ABCA13: variants seen among roughly 807,000 people sequenced by gnomAD.
ABCA13 encodes the protein ATP binding cassette subfamily A member 13.
A neutral mutation model predicts 478.7 loss-of-function variants in ABCA13; 476 were observed. The ratio of observed to expected loss-of-function variants is 0.99; its 90% CI spans 0.92 to 1.07. The LOEUF (loss-of-function observed/expected upper bound fraction) is 1.07. Ranked by LOEUF, ABCA13 falls within the 50% of genes least tolerant of loss-of-function variation. The probability of loss-of-function intolerance (pLI) is 0.00; values close to 1 mark genes in which losing one functional copy is unlikely to be tolerated. For synonymous variants in ABCA13, 2,252 were observed against 2,158.9 expected (o/e 1.04, Z -1.20); for missense variants, 6,060 against 5,910.6 (o/e 1.03, Z -0.83).
Position 48,279,066 on chromosome 7 carries a change from T to C in ABCA13, c.7872T>C (p.Tyr2624=). ...IFSMSPSILS[Y]MNQSKDFSDI... is the part of the protein sequence containing the mutation. The stretch of plus-strand genomic sequence containing the variant: ...GTATGTCACCTAGCATACTCTCATA[T>C]ATGAACCAATCTAAGGACTTTTCTG... The change falls in exon 18 of 62, where the codon TAT becomes TAC. Residue 2624 remains tyrosine (Y), a synonymous_variant. Coordinates refer to ENST00000435803, the MANE Select transcript of ABCA13 (RefSeq NM_152701.5). 6.2e-7 allele frequency: 1 copy of C among 1,613,000 alleles called. No individual in the cohort carries two copies. The highest frequency in any genetic ancestry group is 8.5e-7 in the Non-Finnish European group (1 of 1,179,800).
chr7:48,584,162 T>C (rs1008896183), intron 56 of ABCA13, among the ~76,000 whole-genome samples: 1 of 152,212 alleles, frequency 6.6e-6, no homozygotes, highest in African/African-American at 2.4e-5. Context: ...TGGCTAATCT[T>C]TGAATAACAT....
At chr7:48,330,485 G>GTCCA (rs374882823) in intron 27 of ABCA13, among the ~76,000 whole-genome samples, 61,199 of 134,538 alleles carry the variant, frequency 0.45, 12,942 homozygotes, top group South Asian at 0.58. Context: ...CCATCCATCC[G>GTCCA]TCCATCCATC....
intron 55 of ABCA13, among the ~76,000 whole-genome samples, chr7:48,532,944 C>T (rs1833337299): frequency 6.6e-6 from 1 of 151,958 alleles, no homozygotes; most frequent in South Asian, 2.1e-4. Context: ...TTTGTCATTT[C>T]AGATAACCAG....
At chr7:48,346,649 A>T (rs532852657) in intron 29 of ABCA13, among the ~76,000 whole-genome samples, 151 of 152,340 alleles carry the variant, frequency 9.9e-4, no homozygotes, top group Non-Finnish European at 1.9e-3. Flanking sequence ...TTACATGATA[A>T]TAGTTAGCAC....
chr7:48,608,515 C>T (rs1476562196), intron 58 of ABCA13, among the ~76,000 whole-genome samples: 1 of 152,216 alleles, frequency 6.6e-6, no homozygotes, highest in Non-Finnish European at 1.5e-5. Flanking sequence ...TAATTCCAGT[C>T]TAGTAGAGGC....
intron 23 of ABCA13, among the ~76,000 whole-genome samples, chr7:48,299,713 T>A (rs1281006481): frequency 6.6e-6 from 1 of 152,208 alleles, no homozygotes; most frequent in Non-Finnish European, 1.5e-5. Context: ...TATGATACTT[T>A]TTGGGTTTGG....
At chr7:48,635,148 C>A (rs900678957) in intron 59 of ABCA13, among the ~76,000 whole-genome samples, 1 of 151,352 alleles carries the variant, frequency 6.6e-6, no homozygotes, top group African/African-American at 2.4e-5. Flanking sequence ...TATCAATCTC[C>A]CAATTGCCTT....
At chr7:48,297,359 T>C (rs1799524232) in intron 22 of ABCA13, 48 bp downstream of exon 22, 2 of 1,466,898 alleles carry the variant, frequency 1.4e-6, no homozygotes, top group Non-Finnish European at 1.9e-6. Context: ...TTAAATTTAG[T>C]TTCTCATGCA....
At position 48,244,567 on chromosome 7, in the gene ABCA13, T is replaced by C. The variant is rs1791376172; in HGVS notation, c.1263-9T>C. ...TCATTTTATTTCATTTATTTATTTT[T>C]GCCCTCAGATTACAGCATCTGTGGA... On this transcript the variant is annotated splice_polypyrimidine_tract_variant and intron_variant, in intron 10 of 61. Coordinates refer to ENST00000435803, the MANE Select transcript of ABCA13 (RefSeq NM_152701.5). 6.2e-7 allele frequency: 1 copy of C among 1,610,906 alleles called. No individual in the cohort carries two copies. Among genetic ancestry groups the C allele is most frequent in the Non-Finnish European group, 8.5e-7 (1 of 1,178,616 alleles).
At position 48,318,492 on chromosome 7, in the gene ABCA13, C is replaced by T. The variant is rs115918240; in HGVS notation, c.9999+1196C>T. Among the ~76,000 whole-genome samples, 618 of 150,708 alleles carry T rather than the reference C, an allele frequency of 4.1e-3. 3 individuals are homozygous for T. The highest frequency in any genetic ancestry group is 0.013 in the African/African-American group (538 of 40,624). ...CTGAGATTACAGGTGTGTGCCCCCA[C>T]GCCCTGCTAACTTTTTAGTTTTTTT... On this transcript the variant is annotated intron_variant, in intron 27 of 61. Transcript: ENST00000435803.
intron 56 of ABCA13, among the ~76,000 whole-genome samples, chr7:48,584,135 C>T (rs911686341): frequency 5.9e-5 from 9 of 152,142 alleles, no homozygotes; most frequent in African/African-American, 2.2e-4. Context: ...GTCAGTTTAT[C>T]AGTTTTCTTT....
At chr7:48,258,007 T>G (rs1469729683) in intron 15 of ABCA13, among the ~76,000 whole-genome samples, 1 of 152,094 alleles carries the variant, frequency 6.6e-6, no homozygotes, top group African/African-American at 2.4e-5. Context: ...CACTGCACCC[T>G]CGACCTCCCA....
At position 48,480,902 on chromosome 7, in the gene ABCA13, C is replaced by T. The variant is rs1359899762; in HGVS notation, c.12976-134C>T. The T allele has an allele frequency of 1.1e-5, 7 of 634,090 alleles. No individual in the cohort carries two copies. In the East Asian group the frequency reaches 1.7e-4, roughly 15 times the overall value. The allele number at this position is 634,090 out of a possible 1,614,324, so 39.3% of individuals were successfully genotyped here. On this transcript the variant is annotated intron_variant, in intron 45 of 61. Transcript: ENST00000435803. ...CTGAAAGAGATTTTAGAAATTAGAA[C>T]ATATAAAGGGCTGCAGATAATTTAT...
chr7:48,295,637 T>A, intron 20 of ABCA13, 63 bp from the exon 21 acceptor site: 2 of 1,593,744 alleles, frequency 1.3e-6, no homozygotes, highest in Non-Finnish European at 1.7e-6. Context: ...CTAATGAGAA[T>A]AAATCAAAAT....
chr7:48,295,973 T>A, intron 21 of ABCA13, 110 bp downstream of exon 21: 1 of 1,264,506 alleles, frequency 7.9e-7, no homozygotes, highest in Non-Finnish European at 1.0e-6. Context: ...AATATACTCT[T>A]AATGTGCATA....
chr7:48,626,896 C>A, intron 59 of ABCA13: 10 of 985,334 alleles, frequency 1.0e-5, no homozygotes, highest in Non-Finnish European at 1.2e-5. Flanking sequence ...TATTCATGTT[C>A]TCTTTGCTAT....
intron 45 of ABCA13, among the ~76,000 whole-genome samples, chr7:48,474,233 G>C (rs766647228): frequency 6.6e-6 from 1 of 152,078 alleles, no homozygotes; most frequent in Non-Finnish European, 1.5e-5. Flanking sequence ...ACATCACAGA[G>C]TAATTACCCC....
chr7:48,236,181 G>A (rs1789924556), intron 8 of ABCA13, among the ~76,000 whole-genome samples: 1 of 152,160 alleles, frequency 6.6e-6, no homozygotes, highest in African/African-American at 2.4e-5. Flanking sequence ...TTTCTGAGTA[G>A]CAAGGCAAGT....
At chr7:48,555,128 A>G (rs1364618241) in intron 55 of ABCA13, among the ~76,000 whole-genome samples, 1 of 151,912 alleles carries the variant, frequency 6.6e-6, no homozygotes, top group South Asian at 2.1e-4. Context: ...GTTATGATGT[A>G]TCACATTGAT....
Sources: gnomAD v4.1 joint callset for allele counts (sites outside exome capture counted in the v4.1 genomes callset) on GRCh38, gnomAD v4.1.1 for gene constraint, MANE v1.5 for transcripts, NCBI Gene and HGNC (gene_info 2026-07-23, HGNC 2026-07-21) for gene names.